The following ARID1A variants were observed in gnomAD, a reference collection of about 807,000 sequenced individuals.
The protein encoded by ARID1A is AT-rich interactive domain-containing protein 1A.
Under a neutral mutation model 212.6 loss-of-function variants are expected in ARID1A, and 20 were observed. The observed-to-expected ratio is 0.09, with a 90% CI of 0.07 to 0.14. The LOEUF is 0.14. Ranked by LOEUF, ARID1A falls within the 10% of genes least tolerant of loss-of-function variation. The pLI is 1.00. For missense variants in ARID1A, 2,587 were observed against 3,059.0 expected (o/e 0.85, Z 3.64); for synonymous variants, 1,376 against 1,222.1 (o/e 1.13, Z -2.63).
intron 4 of ARID1A, among the ~76,000 whole-genome samples, chr1:26,757,105 C>T (rs577941509): frequency 9.2e-5 from 14 of 151,964 alleles, no homozygotes; most frequent in African/African-American, 3.1e-4. Flanking sequence ...ATCCCAGCTA[C>T]TCAGGAGGCT....
intron 1 of ARID1A, among the ~76,000 whole-genome samples, chr1:26,699,171 C>G (rs1358578824): frequency 6.6e-6 from 1 of 152,114 alleles, no homozygotes; most frequent in Non-Finnish European, 1.5e-5. Context: ...ATGTATGTTC[C>G]ACTTTTTTTC....
chr1:26,715,699 A>G (rs568133783), intron 1 of ARID1A, among the ~76,000 whole-genome samples: 3 of 152,306 alleles, frequency 2.0e-5, no homozygotes, highest in African/African-American at 7.2e-5. Context: ...TGTTGTTGAA[A>G]TGTTGTTTAA....
At position 26,780,682 on chromosome 1, in the gene ARID1A, T is replaced by G; in HGVS notation, c.6784T>G (p.Ser2262Ala). 1.2e-6 allele frequency: 2 copies of G among 1,603,990 alleles called. No homozygotes were observed. Among genetic ancestry groups the G allele is most frequent in the Non-Finnish European group, 1.7e-6 (2 of 1,178,440 alleles). ...TLYESRLLDI[S>A]VSPLMNSLVS... is the part of the protein sequence containing the mutation. The stretch of plus-strand genomic sequence containing the variant: ...GTACGAATCACGGCTGTTGGACATC[T>G]CGGTATCACCGTTGATGAACTCATT... Residue 2262 changes from serine (S) to alanine (A), a missense_variant, in exon 20 of 20, where the codon TCG (serine) becomes GCG (alanine). Ser to Ala is a moderately conservative substitution (Grantham distance 99). Coordinates refer to ENST00000324856, the MANE Select transcript of ARID1A (RefSeq NM_006015.6). This position sits in a 1 kb window ranked among gnomAD's most constrained non-coding sequence, Gnocchi z 7.2.
Position 26,774,268 on chromosome 1 carries a change from T to A in ARID1A, c.4102-61T>A. On this transcript the variant is annotated intron_variant, in intron 17 of 19. Transcript: ENST00000324856. This position sits in a 1 kb window ranked among gnomAD's most constrained non-coding sequence, Gnocchi z 5.6. Reference sequence around the variant, plus strand: ...ATCTGGTTGTAGCCATCTTGGCATCTGTGGGCTTTATGTCCCTGAGTGCAG... The same window carrying A: ...ATCTGGTTGTAGCCATCTTGGCATCAGTGGGCTTTATGTCCCTGAGTGCAG... The A allele has an allele frequency of 1.3e-6, 2 of 1,509,058 alleles. No homozygotes were observed. Among genetic ancestry groups the A allele is most frequent in the Non-Finnish European group, 1.8e-6 (2 of 1,130,496 alleles). The allele number at this position is 1,509,058 out of a possible 1,614,324, so 93.5% of individuals were successfully genotyped here. A position where few individuals can be genotyped will look rare whatever the true frequency, so the allele number is the denominator to read the frequency against.
intron 1 of ARID1A, among the ~76,000 whole-genome samples, chr1:26,706,780 GT>G (rs1210178223): frequency 6.6e-6 from 1 of 152,196 alleles, no homozygotes; most frequent in Non-Finnish European, 1.5e-5. Flanking sequence ...AAATATGTAT[GT>G]CTTTTTCTCT....
chr1:26,756,895 G>A (rs1343937482), intron 4 of ARID1A, among the ~76,000 whole-genome samples: 1 of 151,756 alleles, frequency 6.6e-6, no homozygotes, highest in Admixed American at 6.6e-5. Flanking sequence ...GTAAAGACGG[G>A]GTTTCACCGT....
chr1:26,760,738 T>G, intron 4 of ARID1A, 118 bp from the exon 5 acceptor site: 18 of 1,051,840 alleles, frequency 1.7e-5, no homozygotes, highest in Non-Finnish European at 2.2e-5. Flanking sequence ...CTAAAGAACG[T>G]GTGTGATGTA....
intron 4 of ARID1A, among the ~76,000 whole-genome samples, chr1:26,743,494 T>C (rs574451672): frequency 6.6e-6 from 1 of 152,228 alleles, no homozygotes; most frequent in South Asian, 2.1e-4. Flanking sequence ...TTTTGTTGTT[T>C]AGGTTTATTG....
chr1:26,741,880 C>T (rs1417029642), intron 4 of ARID1A, among the ~76,000 whole-genome samples: 2 of 152,176 alleles, frequency 1.3e-5, no homozygotes, highest in Admixed American at 1.3e-4. Flanking sequence ...TTACATTGGT[C>T]TAGAAAGAGG....
intron 4 of ARID1A, among the ~76,000 whole-genome samples, chr1:26,740,310 T>A (rs2080776003): frequency 6.6e-6 from 1 of 152,210 alleles, no homozygotes; most frequent in African/African-American, 2.4e-5. Context: ...TGTGTTTCAT[T>A]AGTAAAATAG....
intron 1 of ARID1A, among the ~76,000 whole-genome samples, chr1:26,712,560 A>G (rs1269153777): frequency 1.3e-5 from 2 of 152,022 alleles, no homozygotes; most frequent in Non-Finnish European, 2.9e-5. Flanking sequence ...GCCTGGTGGC[A>G]TGCACCTATT....
chr1:26,734,643 C>T (rs1413299539), intron 4 of ARID1A, among the ~76,000 whole-genome samples: 1 of 152,164 alleles, frequency 6.6e-6, no homozygotes, highest in Non-Finnish European at 1.5e-5. Flanking sequence ...TGCTTTTTAT[C>T]CCTTTGCTAC....
In ARID1A at chr1:26,762,156, T is replaced by C. The variant is rs768068925; in HGVS notation, c.2256T>C (p.Tyr752=). 16 of 1,612,752 alleles carry C rather than the reference T, an allele frequency of 9.9e-6. No homozygotes were observed. Among genetic ancestry groups the C allele is most frequent in the Non-Finnish European group, 1.3e-5 (15 of 1,179,422 alleles). ...NQSSIAQDRG[Y]MQRNPQMPQY... ...ATGGATGCTACCCACAAATAGGTTA[T>C]ATGCAGAGGAACCCCCAGATGCCCC... Residue 752 remains tyrosine, a synonymous_variant, in exon 7 of 20, where the codon TAT becomes TAC. Transcript: ENST00000324856.
rs2124126584 is a variant in ARID1A at position 26,775,623 on chromosome 1, C to T, written c.5040C>T (p.Leu1680=). ...TAATGATGTCCCTCAAGTCTGGTCT[C>T]CTGGCAGAGAGCACATGGGCATTAG... The part of the protein sequence containing the change: ...WRVMMSLKSG[L]LAESTWALDT... Residue 1680 remains leucine, a synonymous_variant, in exon 19 of 20, where the codon CTC becomes CTT. Transcript: ENST00000324856. 1 of 1,614,134 alleles carries T rather than the reference C, an allele frequency of 6.2e-7. No homozygotes were observed. The highest frequency in any genetic ancestry group is 8.5e-7 in the Non-Finnish European group (1 of 1,180,012).
intron 19 of ARID1A, 55 bp from the exon 20 acceptor site, chr1:26,778,968 C>G (rs2081163292): frequency 2.0e-6 from 3 of 1,477,054 alleles, no homozygotes; most frequent in African/African-American, 1.4e-5. Flanking sequence ...GTCAATAATT[C>G]TGTTCTTAGG....
chr1:26,734,404 T>A (rs1028670479), intron 4 of ARID1A, among the ~76,000 whole-genome samples: 1 of 150,924 alleles, frequency 6.6e-6, no homozygotes, highest in African/African-American at 2.4e-5. Context: ...ACATGCCTTG[T>A]AAGGGTTGGG....
chr1:26,702,105 C>A (rs1412104363), intron 1 of ARID1A, among the ~76,000 whole-genome samples: 1 of 152,070 alleles, frequency 6.6e-6, no homozygotes, highest in Non-Finnish European at 1.5e-5. Context: ...GGTGTTTGGG[C>A]AGGTCTAGGT....
chr1:26,753,440 T>C (rs12742115), intron 4 of ARID1A, among the ~76,000 whole-genome samples: 9,072 of 152,282 alleles, frequency 0.06, 329 homozygotes, highest in Non-Finnish European at 0.08. Flanking sequence ...CAAAATAACA[T>C]TGGGCAGTAT....
intron 1 of ARID1A, among the ~76,000 whole-genome samples, chr1:26,701,354 A>C (rs368370601): frequency 3.9e-5 from 6 of 152,276 alleles, no homozygotes; most frequent in East Asian, 3.9e-4. Flanking sequence ...TGGAGTCCTG[A>C]TTCCTGTGGC....
Sources: allele counts gnomAD v4.1 joint callset (sites outside exome capture counted in the v4.1 genomes callset), GRCh38; gene constraint gnomAD v4.1.1; non-coding constraint Gnocchi (gnomAD v3.1); transcripts MANE v1.5; gene names NCBI Gene and HGNC (gene_info 2026-07-23, HGNC 2026-07-21).